The following JAZF1 variants were observed in gnomAD, a reference collection of about 807,000 sequenced individuals.
JAZF1 encodes the protein juxtaposed with another zinc finger protein 1.
JAZF1 carries 8 observed loss-of-function variants against 26.4 expected under a neutral mutation model. That is an observed-to-expected ratio of 0.30 (90% CI 0.18 to 0.55). JAZF1 has a LOEUF of 0.55. Among genes scored for constraint, JAZF1 ranks in the 20% least tolerant of loss-of-function variants. JAZF1 has a pLI of 0.94. For synonymous variants in JAZF1, 126 were observed against 122.3 expected (o/e 1.03, Z -0.20); for missense variants, 199 against 322.0 (o/e 0.62, Z 2.92).
chr7:28,005,429 A>G (rs1782684568), intron 1 of JAZF1, among the ~76,000 whole-genome samples: 1 of 152,068 alleles, frequency 6.6e-6, no homozygotes, highest in Admixed American at 6.6e-5. Context: ...AAAAAAAAAA[A>G]AGTCACAGGA....
intron 1 of JAZF1, among the ~76,000 whole-genome samples, chr7:28,004,198 G>C (rs1322301544): frequency 6.6e-6 from 1 of 152,150 alleles, no homozygotes; most frequent in African/African-American, 2.4e-5. Context: ...GGGATAACCA[G>C]AAAGGGGGGG....
intron 1 of JAZF1, among the ~76,000 whole-genome samples, chr7:28,056,469 C>T (rs1327658529): frequency 4.4e-5 from 6 of 136,954 alleles, no homozygotes; most frequent in Non-Finnish European, 3.1e-5. Context: ...CACACACACA[C>T]ACACACAATA....
intron 4 of JAZF1, among the ~76,000 whole-genome samples, chr7:27,838,360 G>A (rs1234984517): frequency 1.3e-5 from 2 of 152,106 alleles, no homozygotes; most frequent in Non-Finnish European, 2.9e-5. Flanking sequence ...CCTTACCAGT[G>A]GGATCCTTCT....
chr7:28,118,792 A>ACAAC (rs57963092), intron 1 of JAZF1, among the ~76,000 whole-genome samples: 2 of 139,094 alleles, frequency 1.4e-5, no homozygotes, highest in Non-Finnish European at 1.6e-5. Flanking sequence ...ACACACACAC[A>ACAAC]ACACACACAC....
chr7:27,984,799 T>C (rs1785665171), intron 2 of JAZF1, among the ~76,000 whole-genome samples: 1 of 152,122 alleles, frequency 6.6e-6, no homozygotes, highest in Non-Finnish European at 1.5e-5. Flanking sequence ...ATTAAGAAAC[T>C]CACTCAAAAC....
At chr7:28,150,838 T>C (rs1438036222) in intron 1 of JAZF1, among the ~76,000 whole-genome samples, 1 of 152,178 alleles carries the variant, frequency 6.6e-6, no homozygotes, top group Non-Finnish European at 1.5e-5. Context: ...ACTCCACCAG[T>C]CATTTAAGTG....
chr7:28,060,864 G>GA (rs1182013428), intron 1 of JAZF1, among the ~76,000 whole-genome samples: 20 of 152,230 alleles, frequency 1.3e-4, no homozygotes, highest in African/African-American at 4.6e-4. Context: ...GCTCTCTCTG[G>GA]GTTTCCAAAT....
chr7:28,079,241 C>T lies in JAZF1; in HGVS notation c.116-87260G>A, dbSNP rs369784734. 7.2e-5 allele frequency among the ~76,000 whole-genome samples: 11 copies of T among 152,270 alleles called. No homozygotes were observed. The East Asian group carries it at 1.2e-3, about 16-fold the overall frequency. On this transcript the variant is annotated intron_variant, in intron 1 of 4. Transcript: ENST00000283928. ...CTCCTGACCTCAGGTGATCCGCCTG[C>T]TTGGGCCTCCCAAAGTGTTAGGATT...
chr7:27,954,107 T>G (rs1785050026), intron 2 of JAZF1, among the ~76,000 whole-genome samples: 2 of 152,222 alleles, frequency 1.3e-5, no homozygotes, highest in African/African-American at 4.8e-5. Flanking sequence ...ACTTTAGATA[T>G]CTAACTGCAA....
rs566776774 is a variant in JAZF1, at chr7:27,897,776, T to C, written c.189-2360A>G. Reference sequence around the variant, plus strand: ...CTTCTACCAGGATAGCTTCCACTCCTACCTCTCTGCACCTGAACAGACTCC... The same window carrying C: ...CTTCTACCAGGATAGCTTCCACTCCCACCTCTCTGCACCTGAACAGACTCC... On this transcript the variant is annotated intron_variant, in intron 2 of 4. Transcript: ENST00000283928. Among the ~76,000 whole-genome samples, 6 of 152,292 alleles carry C rather than the reference T, an allele frequency of 3.9e-5. No homozygotes were observed. In the East Asian group the frequency reaches 1.2e-3, roughly 29 times the overall value.
At chr7:27,988,867 T>C (rs3857729) in intron 2 of JAZF1, among the ~76,000 whole-genome samples, 48,665 of 146,970 alleles carry the variant, frequency 0.33, 9,050 homozygotes, top group Middle Eastern at 0.44. Context: ...TATGATGGGA[T>C]TGTAATATAA....
At chr7:28,085,768 T>C (rs192664507) in intron 1 of JAZF1, among the ~76,000 whole-genome samples, 2 of 152,366 alleles carry the variant, frequency 1.3e-5, no homozygotes, top group Admixed American at 1.3e-4. Flanking sequence ...GCAAAATTAA[T>C]GTATCCCATT....
intron 1 of JAZF1, among the ~76,000 whole-genome samples, chr7:28,073,823 T>C (rs536880078): frequency 6.8e-4 from 104 of 152,230 alleles, no homozygotes; most frequent in African/African-American, 2.5e-3. Context: ...GGTCCAGTGA[T>C]AGTCTCATGA....
Position 27,832,438 on chromosome 7 carries a change from A to G in JAZF1, c.*362T>C, listed in dbSNP as rs541418718. ...TCAATCACATTACAATCTTGAAAAA[A>G]AAATCTCAGTGCCAGCCCCTCCTCC... is the stretch of plus-strand genomic sequence containing the variant. On this transcript the variant is annotated 3_prime_UTR_variant, in exon 5 of 5. Transcript: ENST00000283928. The G allele has an allele frequency of 4.3e-6, 1 of 234,604 alleles. No homozygotes were observed. The highest frequency in any genetic ancestry group is 1.8e-4 in the South Asian group (1 of 5,684). The allele number at this position is 234,604 out of a possible 1,614,324, so 14.5% of individuals were successfully genotyped here.
intron 1 of JAZF1, among the ~76,000 whole-genome samples, chr7:28,156,239 A>C (rs1324444863): frequency 6.6e-6 from 1 of 152,190 alleles, no homozygotes; most frequent in Non-Finnish European, 1.5e-5. Context: ...AGAATCTGAA[A>C]GTCACTGGGT....
intron 1 of JAZF1, among the ~76,000 whole-genome samples, chr7:28,119,895 C>T (rs756198837): frequency 5.3e-5 from 8 of 152,174 alleles, no homozygotes; most frequent in Non-Finnish European, 1.0e-4. Flanking sequence ...TAAACATTAC[C>T]TATACATATA....
chr7:27,843,146 T>C (rs1391200627), intron 3 of JAZF1: 1 of 152,108 alleles, frequency 6.6e-6, no homozygotes, highest in Non-Finnish European at 1.5e-5. Context: ...AAGTTGGAAC[T>C]ATCCCAGGCA....
intron 1 of JAZF1, chr7:27,992,366 A>G (rs903772640): frequency 2.9e-6 from 1 of 348,262 alleles, no homozygotes; most frequent in Non-Finnish European, 5.8e-6. Context: ...ATTAGTTTCC[A>G]TTGGAAAGCT....
intron 2 of JAZF1, among the ~76,000 whole-genome samples, chr7:27,939,007 C>T (rs1339612754): frequency 1.3e-5 from 2 of 152,248 alleles, no homozygotes; most frequent in East Asian, 3.9e-4. Flanking sequence ...ATGGCTCTCA[C>T]TTGTTTCCAT....
Sources: gnomAD v4.1 joint callset for allele counts (sites outside exome capture counted in the v4.1 genomes callset) on GRCh38, gnomAD v4.1.1 for gene constraint, MANE v1.5 for transcripts, NCBI Gene and HGNC (gene_info 2026-07-23, HGNC 2026-07-21) for gene names.